Variants in SOX5 observed in about 807,000 individuals in gnomAD.
SOX5 encodes the protein SRY-box transcription factor 5, also known as transcription factor SOX-5.
A neutral mutation model predicts 92.0 loss-of-function variants in SOX5; 9 were observed. The ratio of observed to expected loss-of-function variants is 0.10; its 90% confidence interval spans 0.06 to 0.17. The LOEUF is 0.17. Ranked by LOEUF, SOX5 falls within the 10% of genes least tolerant of loss-of-function variation. The pLI is 1.00. For synonymous variants in SOX5, 344 were observed against 336.3 expected (o/e 1.02, Z -0.25); for missense variants, 642 against 944.5 (o/e 0.68, Z 4.20).
intron 3 of SOX5, among the ~76,000 whole-genome samples, chr12:23,770,012 C>T (rs1407512158): frequency 6.8e-6 from 1 of 148,120 alleles, no homozygotes; most frequent in Non-Finnish European, 1.5e-5. Context: ...TTCTATAGTG[C>T]CTTTTTTCAT....
At chr12:23,577,193 T>TATATATATA (rs1391132741) in intron 9 of SOX5, among the ~76,000 whole-genome samples, 21 of 53,648 alleles carry the variant, frequency 3.9e-4, no homozygotes, top group East Asian at 1.2e-3. Flanking sequence ...ATATATATAT[T>TATATATATA]TTTTTTTTTT....
intron 6 of SOX5, among the ~76,000 whole-genome samples, chr12:23,679,511 A>G (rs2086243593): frequency 6.6e-6 from 1 of 152,212 alleles, no homozygotes. Context: ...CCTTGATTTC[A>G]TGAAGGCTAC....
intron 4 of SOX5, among the ~76,000 whole-genome samples, chr12:24,178,279 T>A (rs549779087): frequency 1.2e-4 from 17 of 145,492 alleles, no homozygotes; most frequent in African/African-American, 3.6e-4. Flanking sequence ...ATTTAAGCAC[T>A]GCAAGTATTT....
chr12:24,007,159 ATACATT>A (rs1569473676), intron 4 of SOX5, among the ~76,000 whole-genome samples: 1 of 70,936 alleles, frequency 1.4e-5, no homozygotes, highest in Admixed American at 1.6e-4. Flanking sequence ...ATATATATAT[ATACATT>A]TATATATGTA....
chr12:24,437,496 C>G (rs1161576809), intron 1 of SOX5, among the ~76,000 whole-genome samples: 1 of 152,178 alleles, frequency 6.6e-6, no homozygotes, highest in Non-Finnish European at 1.5e-5. Flanking sequence ...TAAAAAGCTT[C>G]TGCACAGCAA....
intron 1 of SOX5, among the ~76,000 whole-genome samples, chr12:24,546,528 C>T (rs548207656): frequency 1.3e-5 from 2 of 152,290 alleles, no homozygotes; most frequent in African/African-American, 2.4e-5. Context: ...ATTCCAAGAA[C>T]ACAACATGCT....
chr12:23,796,813 T>C (rs757181325), intron 3 of SOX5, among the ~76,000 whole-genome samples: 4 of 150,180 alleles, frequency 2.7e-5, no homozygotes, highest in Non-Finnish European at 4.4e-5. Context: ...TATATATGTG[T>C]GTATATTTAA....
chr12:23,797,301 C>G (rs1828218874), intron 3 of SOX5, among the ~76,000 whole-genome samples: 1 of 151,950 alleles, frequency 6.6e-6, no homozygotes, highest in Admixed American at 6.6e-5. Flanking sequence ...CAAATACCTG[C>G]TTTAAATGTA....
chr12:24,462,089 A>G (rs750270589), intron 1 of SOX5, among the ~76,000 whole-genome samples: 2 of 152,230 alleles, frequency 1.3e-5, no homozygotes, highest in Non-Finnish European at 2.9e-5. Context: ...TGAGAAAGGC[A>G]TCATTAGGAA....
At chr12:23,941,301 TA>T (rs1208417228) in intron 1 of SOX5, among the ~76,000 whole-genome samples, 17 of 151,596 alleles carry the variant, frequency 1.1e-4, no homozygotes, top group African/African-American at 4.1e-4. Flanking sequence ...TTTGATTCTT[TA>T]AATTGCTATC....
At chr12:23,744,533 C>T (rs2093915114) in intron 4 of SOX5, among the ~76,000 whole-genome samples, 2 of 152,058 alleles carry the variant, frequency 1.3e-5, no homozygotes, top group African/African-American at 4.8e-5. Flanking sequence ...CCCATCCCTG[C>T]ATTGATATTA....
chr12:23,938,743 C>T (rs1943082698), intron 1 of SOX5, among the ~76,000 whole-genome samples: 2 of 150,932 alleles, frequency 1.3e-5, no homozygotes, highest in South Asian at 2.1e-4. Flanking sequence ...ATTATGAGCA[C>T]TAAGCAGTTA....
At chr12:23,711,936 A>G (rs979140894) in intron 6 of SOX5, among the ~76,000 whole-genome samples, 2 of 152,202 alleles carry the variant, frequency 1.3e-5, no homozygotes, top group Non-Finnish European at 2.9e-5. Context: ...TTGGTGCTCT[A>G]ATTTATTTCT....
At chr12:23,640,588 C>T (rs565556534) in intron 8 of SOX5, among the ~76,000 whole-genome samples, 1 of 151,952 alleles carries the variant, frequency 6.6e-6, no homozygotes, top group Non-Finnish European at 1.5e-5. Flanking sequence ...TTAATAATAC[C>T]GGCAAGAAAA....
chr12:23,768,329 G>C (rs952291235), intron 3 of SOX5, among the ~76,000 whole-genome samples: 1 of 151,992 alleles, frequency 6.6e-6, no homozygotes, highest in African/African-American at 2.4e-5. Flanking sequence ...AAACTCAAAG[G>C]TGTTTATACC....
At chr12:24,407,045 T>C (rs191591318) in intron 1 of SOX5, among the ~76,000 whole-genome samples, 3 of 151,948 alleles carry the variant, frequency 2.0e-5, no homozygotes, top group African/African-American at 7.2e-5. Context: ...TCTCGTGCCA[T>C]AGCATAACAC....
chr12:23,741,009 C>T lies in SOX5; in HGVS notation c.599G>A (p.Arg200Lys). Residue 200 changes from arginine (R) to lysine (K), a missense_variant, in exon 5 of 15, where the codon AGG (arginine) becomes AAG (lysine). Physicochemically the swap from Arg to Lys is conservative, Grantham distance 26 (BLOSUM62 2). Around this residue, in one of 8 missense-constraint regions of SOX5, gnomAD observed 324 missense variants for 461.6 expected, o/e 0.70. Transcript: ENST00000451604. The part of the protein sequence containing the change: ...GTPESLAEKE[R>K]QLMGMINQLT... ...CTGGTTGATCATACCCATGAGTTGC[C>T]TTTCTTTCTCAGCTAAGCTCTCGGG... 6.2e-7 allele frequency: 1 copy of T among 1,605,556 alleles called. No homozygotes were observed. The highest frequency in any genetic ancestry group is 1.3e-5 in the African/African-American group (1 of 74,762).
chr12:23,965,614 G>T (rs1947465912), intron 4 of SOX5, among the ~76,000 whole-genome samples: 1 of 152,048 alleles, frequency 6.6e-6, no homozygotes, highest in East Asian at 1.9e-4. Flanking sequence ...GTTTCGTTTT[G>T]TTTTTGTTGT....
At chr12:24,261,549 C>A (rs1470211270) in intron 3 of SOX5, among the ~76,000 whole-genome samples, 1 of 152,148 alleles carries the variant, frequency 6.6e-6, no homozygotes, top group Non-Finnish European at 1.5e-5. Context: ...GCCATAAACA[C>A]AGCATATGCT....
Sources: gnomAD v4.1 joint callset for allele counts (sites outside exome capture counted in the v4.1 genomes callset) on GRCh38, gnomAD v4.1.1 for gene constraint, gnomAD v4.1.1 regional missense constraint, MANE v1.5 for transcripts, NCBI Gene and HGNC (gene_info 2026-07-23, HGNC 2026-07-21) for gene names.